ANAPC10: variants seen among roughly 807,000 people sequenced by gnomAD.
ANAPC10 encodes anaphase-promoting complex subunit 10.
In ANAPC10, 12 loss-of-function variants were observed where a neutral mutation model predicts 22.0. That is an observed-to-expected ratio of 0.55 (90% CI 0.35 to 0.88). ANAPC10 has a LOEUF of 0.88. ANAPC10 is among the 40% of genes least tolerant of loss of function. The pLI, the probability that ANAPC10 is intolerant of heterozygous loss-of-function variation, is 0.01. For missense variants in ANAPC10, 188 were observed against 220.9 expected (o/e 0.85, Z 0.94); for synonymous variants, 65 against 69.5 (o/e 0.94, Z 0.32).
Position 145,080,071 on chromosome 4 carries a change from G to A in ANAPC10, c.206+1589C>T, listed in dbSNP as rs367819066. 2.4e-5 allele frequency among the ~76,000 whole-genome samples: 3 copies of A among 127,244 alleles called. No homozygotes were observed. The East Asian group carries it at 7.6e-4, about 32-fold the overall frequency. The allele number at this position is 127,244 out of a possible 152,430, so 83.5% of individuals were successfully genotyped here. ...AGAGGTTGCAGTGAACAGAGATCACGCCACTGCGCTCCAGCCTGGGCAACA... is the reference window on the plus strand; with the variant it reads ...AGAGGTTGCAGTGAACAGAGATCACACCACTGCGCTCCAGCCTGGGCAACA... On this transcript the variant is annotated intron_variant, in intron 3 of 4. Coordinates refer to ENST00000507656, the MANE Select transcript of ANAPC10 (RefSeq NM_001256706.2).
intron 3 of ANAPC10, among the ~76,000 whole-genome samples, chr4:145,065,878 T>A (rs1379604242): frequency 6.6e-6 from 1 of 151,964 alleles, no homozygotes; most frequent in African/African-American, 2.4e-5. Context: ...ATTAACTGTT[T>A]TCGTGGGATG....
At chr4:145,077,579 T>C (rs1745373693) in intron 3 of ANAPC10, among the ~76,000 whole-genome samples, 2 of 151,894 alleles carry the variant, frequency 1.3e-5, no homozygotes, top group African/African-American at 4.8e-5. Flanking sequence ...AGAAGAAACC[T>C]CAGGCCAATA....
intron 4 of ANAPC10, among the ~76,000 whole-genome samples, chr4:145,046,894 AT>A (rs1740388306): frequency 6.6e-6 from 1 of 152,124 alleles, no homozygotes; most frequent in Non-Finnish European, 1.5e-5. Flanking sequence ...CATAAGACAC[AT>A]TTATCTAGCA....
chr4:145,009,396 C>CA (rs1455746671), intron 4 of ANAPC10, among the ~76,000 whole-genome samples: 1 of 152,112 alleles, frequency 6.6e-6, no homozygotes, highest in East Asian at 1.9e-4. Flanking sequence ...GCAAAAAGAA[C>CA]AAAGCTGCAG....
At chr4:145,015,930 A>G (rs1735053747) in intron 4 of ANAPC10, among the ~76,000 whole-genome samples, 1 of 152,166 alleles carries the variant, frequency 6.6e-6, no homozygotes, top group Admixed American at 6.5e-5. Flanking sequence ...AGAACTGCTG[A>G]AAGGAGCTCG....
chr4:145,094,071 G>T (rs896667712), intron 2 of ANAPC10, among the ~76,000 whole-genome samples: 1 of 152,174 alleles, frequency 6.6e-6, no homozygotes, highest in Non-Finnish European at 1.5e-5. Flanking sequence ...AGAAGGCAAG[G>T]ATAACTGGGG....
At chr4:145,014,607 C>T (rs1578910189) in intron 4 of ANAPC10, among the ~76,000 whole-genome samples, 2 of 152,190 alleles carry the variant, frequency 1.3e-5, no homozygotes, top group African/African-American at 2.4e-5. Flanking sequence ...CTCTGGAAAG[C>T]GCCACCTCCT....
chr4:145,018,205 A>G (rs1186137367), intron 4 of ANAPC10, among the ~76,000 whole-genome samples: 8 of 151,688 alleles, frequency 5.3e-5, no homozygotes, highest in Admixed American at 6.6e-5. Context: ...AGCAAAAACA[A>G]AAACCAAAAA....
chr4:145,097,399 T>C (rs748322115), intron 1 of ANAPC10: 1 of 973,040 alleles, frequency 1.0e-6, no homozygotes, highest in Non-Finnish European at 1.4e-6. Context: ...CAATACTGGA[T>C]CGTGAACAAT....
At chr4:145,031,302 A>AT (rs1358743739) in intron 4 of ANAPC10, among the ~76,000 whole-genome samples, 1 of 152,218 alleles carries the variant, frequency 6.6e-6, no homozygotes, top group Non-Finnish European at 1.5e-5. Flanking sequence ...CACTGGACTT[A>AT]TTGGTGAGAC....
chr4:144,997,151 T>C (rs547776377), intron 4 of ANAPC10, among the ~76,000 whole-genome samples: 14 of 152,280 alleles, frequency 9.2e-5, no homozygotes, highest in African/African-American at 3.4e-4. Context: ...GGAACCAAGG[T>C]GGAAATCACT....
At position 145,026,957 on chromosome 4, in the gene ANAPC10, G is replaced by A. The variant is rs7438409; in HGVS notation, c.328-31354C>T. On this transcript the variant is annotated intron_variant, in intron 4 of 4. Transcript: ENST00000507656. ...TATATATATATATATGTGTGTGTGT[G>A]TATATATATATATATATATATATAT... 1.6e-3 allele frequency among the ~76,000 whole-genome samples: 30 copies of A among 18,332 alleles called. 1 individual carries two copies. Among genetic ancestry groups the A allele is most frequent in the African/African-American group, 4.0e-3 (14 of 3,460 alleles). 12.0% of individuals were successfully genotyped at this position (18,332 alleles called of 152,430 possible).
intron 4 of ANAPC10, among the ~76,000 whole-genome samples, chr4:145,061,641 A>G (rs1413947723): frequency 1.3e-5 from 2 of 152,246 alleles, no homozygotes; most frequent in African/African-American, 4.8e-5. Flanking sequence ...ATCTTTAGTT[A>G]TAAATCAAAA....
chr4:145,072,506 T>C (rs1744631466), intron 3 of ANAPC10, among the ~76,000 whole-genome samples: 1 of 152,308 alleles, frequency 6.6e-6, no homozygotes, highest in South Asian at 2.1e-4. Context: ...GTAATATAAT[T>C]TTTTGAATAC....
At chr4:145,082,349 A>G (rs1273964115) in intron 2 of ANAPC10, among the ~76,000 whole-genome samples, 1 of 151,990 alleles carries the variant, frequency 6.6e-6, no homozygotes, top group East Asian at 1.9e-4. Flanking sequence ...GCGTTTCTCC[A>G]TGTGGGTCAG....
intron 2 of ANAPC10, among the ~76,000 whole-genome samples, chr4:145,083,738 C>A (rs192698924): frequency 1.1e-4 from 16 of 151,948 alleles, no homozygotes; most frequent in Admixed American, 1.0e-3. Flanking sequence ...AACGTTGTTG[C>A]TAGATAATTT....
chr4:145,022,293 G>T (rs1029722322), intron 4 of ANAPC10, among the ~76,000 whole-genome samples: 9 of 151,988 alleles, frequency 5.9e-5, no homozygotes, highest in Non-Finnish European at 1.2e-4. Context: ...AGAAACTGTG[G>T]TATGTATACC....
chr4:145,039,485 A>G (rs918492092), intron 4 of ANAPC10, among the ~76,000 whole-genome samples: 1 of 152,248 alleles, frequency 6.6e-6, no homozygotes, highest in Non-Finnish European at 1.5e-5. Context: ...CTATGAGATA[A>G]TAATAAATAA....
intron 4 of ANAPC10, among the ~76,000 whole-genome samples, chr4:145,050,154 A>C (rs1158493013): frequency 6.6e-6 from 1 of 152,230 alleles, no homozygotes; most frequent in African/African-American, 2.4e-5. Flanking sequence ...AAGACTTGGA[A>C]GTCAAAATTA....
Sources: allele counts gnomAD v4.1 joint callset (sites outside exome capture counted in the v4.1 genomes callset), GRCh38; gene constraint gnomAD v4.1.1; transcripts MANE v1.5; gene names NCBI Gene and HGNC (gene_info 2026-07-23, HGNC 2026-07-21).